RIMS2: variants seen among roughly 807,000 people sequenced by gnomAD.
RIMS2 encodes regulating synaptic membrane exocytosis 2.
A neutral mutation model predicts 174.4 loss-of-function variants in RIMS2; 59 were observed. The observed-to-expected ratio is 0.34, with a 90% confidence interval of 0.27 to 0.42. The LOEUF (loss-of-function observed/expected upper bound fraction) is 0.42, where lower values mean the gene tolerates loss of function less well. Among genes scored for constraint, RIMS2 ranks in the 10% least tolerant of loss-of-function variants. The probability of loss-of-function intolerance (pLI) is 1.00; values close to 1 mark genes in which losing one functional copy is unlikely to be tolerated. For missense variants in RIMS2, 1,620 were observed against 1,666.3 expected (o/e 0.97, Z 0.48); for synonymous variants, 606 against 572.5 (o/e 1.06, Z -0.84).
intron 1 of RIMS2, among the ~76,000 whole-genome samples, chr8:103,609,676 A>T (rs961047630): frequency 2.6e-5 from 4 of 151,788 alleles, no homozygotes; most frequent in Admixed American, 1.3e-4. Context: ...GTGTGGCATT[A>T]TCTCTGTTCC....
rs111727938 is a variant in RIMS2, at chr8:103,823,729, C to T, written c.698+57192C>T. ...CAGATAATGATTCTTCATCATGGTA[C>T]GTTAATGACTACTTTGACATTGAAA... On this transcript the variant is annotated intron_variant, in intron 3 of 23. Coordinates refer to ENST00000504942, the Ensembl canonical transcript of RIMS2. 5.7e-4 allele frequency among the ~76,000 whole-genome samples: 86 copies of T among 151,966 alleles called. 2 individuals carry two copies. In the Middle Eastern group the frequency reaches 0.014, roughly 24 times the overall value.
intron 1 of RIMS2, among the ~76,000 whole-genome samples, chr8:103,670,109 G>C (rs2136321879): frequency 6.6e-6 from 1 of 152,342 alleles, no homozygotes; most frequent in Admixed American, 6.5e-5. Flanking sequence ...CTTGACTTCT[G>C]TACACCCTCA....
At chr8:104,163,703 T>C (rs1245722161) in intron 19 of RIMS2, among the ~76,000 whole-genome samples, 1 of 152,202 alleles carries the variant, frequency 6.6e-6, no homozygotes, top group Non-Finnish European at 1.5e-5. Flanking sequence ...AGTTTGGTGC[T>C]GACATAAGAA....
intron 15 of RIMS2, among the ~76,000 whole-genome samples, chr8:103,962,176 T>C (rs2154545722): frequency 6.6e-6 from 1 of 152,280 alleles, no homozygotes. Context: ...ATCGTTCATC[T>C]TGATGCCATT....
At chr8:103,884,209 C>T (rs2099186640) in intron 3 of RIMS2, among the ~76,000 whole-genome samples, 1 of 151,780 alleles carries the variant, frequency 6.6e-6, no homozygotes. Flanking sequence ...CCTTTATCTG[C>T]TCTTGCTTTT....
intron 2 of RIMS2, among the ~76,000 whole-genome samples, chr8:103,704,934 G>GT (rs1370340917): frequency 1.3e-5 from 2 of 151,208 alleles, no homozygotes; most frequent in African/African-American, 4.8e-5. Context: ...TTTCTTTTGT[G>GT]TTTTTTGACT....
intron 3 of RIMS2, among the ~76,000 whole-genome samples, chr8:103,792,532 A>G (rs1334576925): frequency 6.6e-6 from 1 of 152,124 alleles, no homozygotes; most frequent in Non-Finnish European, 1.5e-5. Context: ...AAGAGCAAAC[A>G]CACTCAAAAG....
intron 1 of RIMS2, among the ~76,000 whole-genome samples, chr8:103,608,508 G>T (rs1194964027): frequency 1.4e-5 from 2 of 144,312 alleles, no homozygotes; most frequent in African/African-American, 5.3e-5. Context: ...CTTGAGCTGT[G>T]GTGGGCTCCA....
intron 17 of RIMS2, among the ~76,000 whole-genome samples, chr8:103,992,671 A>T (rs1184711592): frequency 6.6e-6 from 1 of 152,154 alleles, no homozygotes; most frequent in Non-Finnish European, 1.5e-5. Flanking sequence ...AATAATTTAC[A>T]CTTTAAATTT....
intron 17 of RIMS2, among the ~76,000 whole-genome samples, chr8:103,993,873 C>T (rs916373274): frequency 1.9e-4 from 29 of 151,484 alleles, no homozygotes; most frequent in Admixed American, 1.9e-3. Flanking sequence ...CAAACACACA[C>T]AAAAAATAAA....
chr8:104,245,025 T>TTAC, exon 20 of RIMS2: 1 of 1,613,864 alleles, frequency 6.2e-7, no homozygotes, highest in Non-Finnish European at 8.5e-7. Context: ...AGTCTACAGA[T>TTAC]GGTAGCATGA....
At chr8:103,737,629 C>A (rs865972401) in intron 2 of RIMS2, among the ~76,000 whole-genome samples, 1 of 152,164 alleles carries the variant, frequency 6.6e-6, no homozygotes, top group African/African-American at 2.4e-5. Flanking sequence ...TTGGGGCACA[C>A]AGGGAAGGCA....
intron 3 of RIMS2, among the ~76,000 whole-genome samples, chr8:103,851,059 T>C (rs923727738): frequency 6.6e-6 from 1 of 152,018 alleles, no homozygotes; most frequent in Non-Finnish European, 1.5e-5. Flanking sequence ...ATTATTTTTG[T>C]CAAATCTAAT....
At position 104,021,169 on chromosome 8, in the gene RIMS2, T is replaced by C. The variant is rs578258555; in HGVS notation, c.3334+6554T>C. The stretch of plus-strand genomic sequence containing the variant: ...TGTATTCTTCCCTGTCTTCATCTTT[T>C]ATAAAGAATGTCTACAGTGTTATTT... On this transcript the variant is annotated intron_variant, in intron 19 of 23. Transcript: ENST00000504942. Among the ~76,000 whole-genome samples the C allele has an allele frequency of 2.0e-5, 3 of 152,244 alleles. No homozygotes were observed. In the South Asian group the frequency reaches 6.2e-4, roughly 32 times the overall value.
At chr8:103,812,489 C>G (rs2098695046) in intron 3 of RIMS2, among the ~76,000 whole-genome samples, 1 of 152,124 alleles carries the variant, frequency 6.6e-6, no homozygotes, top group Non-Finnish European at 1.5e-5. Flanking sequence ...TCAAGCGATT[C>G]TCCTGCCTCA....
chr8:104,251,984 T>G (rs1382022432), downstream of RIMS2: 5 of 609,180 alleles, frequency 8.2e-6, no homozygotes, highest in African/African-American at 3.7e-5. Flanking sequence ...TTGCACACAT[T>G]GTGCCCTAAA....
At chr8:103,533,287 G>A (rs1268411907) in intron 1 of RIMS2, among the ~76,000 whole-genome samples, 1 of 152,078 alleles carries the variant, frequency 6.6e-6, no homozygotes, top group African/African-American at 2.4e-5. Context: ...AAGAGTTGAG[G>A]GTATTGGGAG....
At chr8:103,843,091 A>G (rs2098949735) in intron 3 of RIMS2, among the ~76,000 whole-genome samples, 1 of 152,244 alleles carries the variant, frequency 6.6e-6, no homozygotes, top group South Asian at 2.1e-4. Flanking sequence ...ATCTCCAAAT[A>G]TAGTCACATT....
chr8:103,808,373 A>G (rs2098664343), intron 3 of RIMS2, among the ~76,000 whole-genome samples: 1 of 152,120 alleles, frequency 6.6e-6, no homozygotes, highest in African/African-American at 2.4e-5. Flanking sequence ...ATGCTTTGTC[A>G]TAAACCTCTT....
Sources: gnomAD v4.1 joint callset for allele counts (sites outside exome capture counted in the v4.1 genomes callset) on GRCh38, gnomAD v4.1.1 for gene constraint, MANE v1.5 for transcripts, NCBI Gene and HGNC (gene_info 2026-07-23, HGNC 2026-07-21) for gene names.